Variants in ZC3H3 observed in about 807,000 individuals in gnomAD.
The protein encoded by ZC3H3 is zinc finger CCCH-type containing 3, also known as zinc finger CCCH domain-containing protein 3.
In ZC3H3, 36 loss-of-function variants were observed where a neutral mutation model predicts 77.3. The observed-to-expected ratio is 0.47, with a 90% CI of 0.36 to 0.61. The LOEUF is 0.61. ZC3H3 is among the 20% of genes least tolerant of loss of function. ZC3H3 has a pLI of 0.00. For missense variants in ZC3H3, 1,331 were observed against 1,312.2 expected (o/e 1.01, Z -0.22); for synonymous variants, 626 against 555.2 (o/e 1.13, Z -1.79).
chr8:143,507,997 C>T (rs1271824421), intron 3 of ZC3H3, 98 bp from the exon 4 acceptor site: 6 of 1,363,310 alleles, frequency 4.4e-6, no homozygotes, highest in East Asian at 5.3e-5. Context: ...CCACCGCCTC[C>T]GCCGGAGCTT....
At chr8:143,438,873 A>G (rs1819651674) in intron 11 of ZC3H3, among the ~76,000 whole-genome samples, 1 of 152,102 alleles carries the variant, frequency 6.6e-6, no homozygotes, top group African/African-American at 2.4e-5. Context: ...CAGGCTACAG[A>G]CTACACAGGC....
chr8:143,537,107 C>T (rs1018413181), intron 2 of ZC3H3, among the ~76,000 whole-genome samples: 3 of 152,204 alleles, frequency 2.0e-5, no homozygotes, highest in African/African-American at 7.2e-5. Flanking sequence ...CGCCCTCTGC[C>T]CAGCAGGTGC....
intron 9 of ZC3H3, among the ~76,000 whole-genome samples, chr8:143,442,456 G>A (rs1480316473): frequency 6.7e-6 from 1 of 148,720 alleles, no homozygotes; most frequent in African/African-American, 2.4e-5. Context: ...GGCAGGGGCA[G>A]TGGCTGTGCC....
At chr8:143,480,238 A>C (rs1820871884) in intron 4 of ZC3H3, among the ~76,000 whole-genome samples, 1 of 152,064 alleles carries the variant, frequency 6.6e-6, no homozygotes, top group African/African-American at 2.4e-5. Context: ...CCAGGGGCAA[A>C]CCTGGTGCAT....
chr8:143,498,160 T>TG (rs368741760), intron 4 of ZC3H3, among the ~76,000 whole-genome samples: 3 of 152,270 alleles, frequency 2.0e-5, no homozygotes, highest in African/African-American at 7.2e-5. Context: ...GCCACCTGCC[T>TG]GGGGGACCCT....
chr8:143,492,185 C>G (rs2129970521), intron 4 of ZC3H3, among the ~76,000 whole-genome samples: 1 of 152,316 alleles, frequency 6.6e-6, no homozygotes, highest in African/African-American at 2.4e-5. Flanking sequence ...ACCAGCAGGC[C>G]CAGGTCGGGC....
chr8:143,478,923 T>C (rs1209156555), intron 4 of ZC3H3, among the ~76,000 whole-genome samples: 1 of 152,238 alleles, frequency 6.6e-6, no homozygotes, highest in Non-Finnish European at 1.5e-5. Context: ...TTAGAGGATC[T>C]GGGCGGAATG....
intron 5 of ZC3H3, among the ~76,000 whole-genome samples, chr8:143,473,706 G>A (rs1449319883): frequency 6.6e-6 from 1 of 152,216 alleles, no homozygotes; most frequent in East Asian, 1.9e-4. Flanking sequence ...CATGAGCAGA[G>A]AGGCACCTCA....
Position 143,437,935 on chromosome 8 carries a change from TG to T in ZC3H3, c.*120del. On this transcript the variant is annotated 3_prime_UTR_variant, in exon 12 of 12. Coordinates refer to ENST00000262577, the MANE Select transcript of ZC3H3 (RefSeq NM_015117.3). ...GGCCAGGCAGGCAGAGCAGTGTCCC[TG>T]TGGCCCCCAGGTGAGGCTTGGTGGC... The T allele has an allele frequency of 2.2e-6, 3 of 1,360,842 alleles. No homozygotes were observed. In the Admixed American group the frequency reaches 6.0e-5, roughly 27 times the overall value. 84.3% of individuals were successfully genotyped at this position (1,360,842 alleles called of 1,614,324 possible).
At chr8:143,484,781 G>C (rs1821005343) in intron 4 of ZC3H3, 1 of 379,996 alleles carries the variant, frequency 2.6e-6, no homozygotes, top group Admixed American at 3.4e-5. Flanking sequence ...AGGCCCTCAA[G>C]GACCCCTCAG....
chr8:143,525,504 G>T (rs1226727501), intron 3 of ZC3H3, among the ~76,000 whole-genome samples: 1 of 152,212 alleles, frequency 6.6e-6, no homozygotes, highest in East Asian at 1.9e-4. Flanking sequence ...CCCACAGCAC[G>T]AAAGGGAGAG....
At chr8:143,491,305 G>A (rs910817789) in intron 4 of ZC3H3, among the ~76,000 whole-genome samples, 1 of 152,254 alleles carries the variant, frequency 6.6e-6, no homozygotes, top group African/African-American at 2.4e-5. Context: ...GACACTCCCT[G>A]CAGCCTGTCC....
chr8:143,478,973 G>A (rs143016543), intron 4 of ZC3H3, among the ~76,000 whole-genome samples: 93 of 152,300 alleles, frequency 6.1e-4, no homozygotes, highest in South Asian at 1.5e-3. Flanking sequence ...CGGGATCTGC[G>A]CCCGCTCTTC....
intron 4 of ZC3H3, among the ~76,000 whole-genome samples, chr8:143,483,206 C>A (rs1304876635): frequency 6.6e-6 from 1 of 152,244 alleles, no homozygotes; most frequent in Non-Finnish European, 1.5e-5. Flanking sequence ...CCATGACAGG[C>A]ACTAAACTGC....
chr8:143,464,801 C>T (rs1181405668), intron 9 of ZC3H3, among the ~76,000 whole-genome samples: 1 of 152,172 alleles, frequency 6.6e-6, no homozygotes, highest in Admixed American at 6.5e-5. Context: ...CAAGGAGCAT[C>T]TCCAGGTCCC....
At chr8:143,497,033 C>T (rs984602322) in intron 4 of ZC3H3, among the ~76,000 whole-genome samples, 2 of 152,130 alleles carry the variant, frequency 1.3e-5, no homozygotes, top group African/African-American at 4.8e-5. Flanking sequence ...TGCAAAAGCT[C>T]GTTTATAAAG....
At position 143,493,979 on chromosome 8, in the gene ZC3H3, C is replaced by A. The variant is rs1205628273; in HGVS notation, c.1715+13767G>T. Among the ~76,000 whole-genome samples, 1 of 152,238 alleles carries A rather than the reference C, an allele frequency of 6.6e-6. No homozygotes were observed. The highest frequency in any genetic ancestry group is 2.4e-5 in the African/African-American group (1 of 41,458). Reference sequence around the variant, plus strand: ...GAGCACAGGCACAGGGAGGCCATCACATTAACTTTTACAGCACTTGGGGAG... The same window carrying A: ...GAGCACAGGCACAGGGAGGCCATCAAATTAACTTTTACAGCACTTGGGGAG... On this transcript the variant is annotated intron_variant, in intron 4 of 11. Transcript: ENST00000262577. This position sits in a 1 kb window ranked among gnomAD's most constrained non-coding sequence, Gnocchi z 4.8.
chr8:143,446,045 G>A (rs758637666), intron 9 of ZC3H3, among the ~76,000 whole-genome samples: 80 of 152,162 alleles, frequency 5.3e-4, no homozygotes, highest in Non-Finnish European at 9.6e-4. Flanking sequence ...AGCAGAGCCC[G>A]CATCCACGCA....
Position 143,518,913 on chromosome 8 carries a change from C to A in ZC3H3, c.1562-11014G>T, listed in dbSNP as rs182951419. Among the ~76,000 whole-genome samples the A allele has an allele frequency of 1.8e-3, 272 of 152,318 alleles. 6 individuals are homozygous for A. In the East Asian group the frequency reaches 0.046, roughly 26 times the overall value. On this transcript the variant is annotated intron_variant, in intron 3 of 11. Coordinates refer to ENST00000262577, the MANE Select transcript of ZC3H3 (RefSeq NM_015117.3). Reference sequence around the variant, plus strand: ...GGGGTGGCACCAGCCCGGCAGGCAGCCCATTGCCTTTGAGGGAAGCCCATC... The same window carrying A: ...GGGGTGGCACCAGCCCGGCAGGCAGACCATTGCCTTTGAGGGAAGCCCATC...
Sources: allele counts gnomAD v4.1 joint callset (sites outside exome capture counted in the v4.1 genomes callset), GRCh38; gene constraint gnomAD v4.1.1; non-coding constraint Gnocchi (gnomAD v3.1); transcripts MANE v1.5; gene names NCBI Gene and HGNC (gene_info 2026-07-23, HGNC 2026-07-21).